Variants in TLR6 observed in about 807,000 individuals in gnomAD.
TLR6 encodes toll-like receptor 6.
In TLR6, 9 loss-of-function variants were observed where a neutral mutation model predicts 16.1. The ratio of observed to expected loss-of-function variants is 0.56; its 90% CI spans 0.34 to 0.98. The LOEUF is 0.98. TLR6 is among the 50% of genes least tolerant of loss of function. The pLI, the probability that TLR6 is intolerant of heterozygous loss-of-function variation, is 0.02. For missense variants in TLR6, 786 were observed against 921.0 expected (o/e 0.85, Z 1.90); for synonymous variants, 340 against 338.6 (o/e 1.00, Z -0.04).
chr4:38,838,633 A>G (rs979888634), intron 1 of TLR6, among the ~76,000 whole-genome samples: 1 of 152,168 alleles, frequency 6.6e-6, no homozygotes, highest in Non-Finnish European at 1.5e-5. Flanking sequence ...GGATAAAAAC[A>G]TACAGTTAGA....
At chr4:38,842,550 C>T (rs918470240) in intron 1 of TLR6, among the ~76,000 whole-genome samples, 3 of 152,218 alleles carry the variant, frequency 2.0e-5, no homozygotes, top group Admixed American at 2.0e-4. Flanking sequence ...AGGAGCCAGT[C>T]TCAGAAACTC....
At chr4:38,858,739 G>GC (rs1713088223), upstream of TLR6, among the ~76,000 whole-genome samples, 1 of 124,926 alleles carries the variant, frequency 8.0e-6, no homozygotes, top group African/African-American at 3.1e-5. Flanking sequence ...AAGAAAGAAA[G>GC]AAAGAGAGAG....
the TLR6 span, among the ~76,000 whole-genome samples, chr4:38,863,131 C>T: frequency 1.3e-5 from 2 of 152,028 alleles, no homozygotes. Flanking sequence ...CCAATGATCA[C>T]CACATTGCCA....
At chr4:38,856,053 T>C (rs17616475) in intron 1 of TLR6, among the ~76,000 whole-genome samples, 4,906 of 152,232 alleles carry the variant, frequency 0.032, 225 homozygotes, top group African/African-American at 0.089. Flanking sequence ...ATAATCAAGT[T>C]AACAAATAGG....
At chr4:38,864,831 G>A in the TLR6 span, among the ~76,000 whole-genome samples, 1 of 152,084 alleles carries the variant, frequency 6.6e-6, no homozygotes, top group Non-Finnish European at 1.5e-5. Context: ...GGGCAACACA[G>A]CAAGACCACG....
At chr4:38,856,074 A>T (rs1006493958) in intron 1 of TLR6, among the ~76,000 whole-genome samples, 5 of 152,232 alleles carry the variant, frequency 3.3e-5, no homozygotes, top group African/African-American at 4.8e-5. Context: ...CAAGAAAAAC[A>T]TTGTTTCATT....
At chr4:38,853,819 G>A (rs1315041677) in intron 1 of TLR6, among the ~76,000 whole-genome samples, 1 of 151,994 alleles carries the variant, frequency 6.6e-6, no homozygotes, top group Non-Finnish European at 1.5e-5. Context: ...AAAAATAGCA[G>A]GTTATCAAAT....
chr4:38,866,217 C>T, the TLR6 span, among the ~76,000 whole-genome samples: 4 of 148,628 alleles, frequency 2.7e-5, no homozygotes, highest in Non-Finnish European at 6.0e-5. Context: ...TATAGCCAGG[C>T]ACGGTGGCTC....
chr4:38,846,855 G>T (rs1359333718), intron 1 of TLR6, among the ~76,000 whole-genome samples: 1 of 151,980 alleles, frequency 6.6e-6, no homozygotes, highest in Non-Finnish European at 1.5e-5. Context: ...TCCTGATGTT[G>T]TTAGAAAAAT....
exon 2 of TLR6, chr4:38,828,218 C>G (rs752207734): frequency 1.2e-6 from 2 of 1,613,528 alleles, no homozygotes; most frequent in Admixed American, 1.7e-5. Flanking sequence ...TTCTTTATGT[C>G]TACCAGATTC....
At chr4:38,836,663 G>T (rs1711934806) in intron 1 of TLR6, among the ~76,000 whole-genome samples, 1 of 152,174 alleles carries the variant, frequency 6.6e-6, no homozygotes, top group African/African-American at 2.4e-5. Context: ...CAAGGACTGG[G>T]TGTGGTGACT....
At chr4:38,858,873 AAGAAAGAAAGAAAG>A (rs1213106980), upstream of TLR6, among the ~76,000 whole-genome samples, 15 of 135,016 alleles carry the variant, frequency 1.1e-4, no homozygotes, top group Non-Finnish European at 2.1e-4. Context: ...GAAAGAAAGA[AAGAAAGAAAGAAAG>A]AGAGAAAGAA....
At chr4:38,864,939 G>A in the TLR6 span, among the ~76,000 whole-genome samples, 1 of 152,178 alleles carries the variant, frequency 6.6e-6, no homozygotes, top group South Asian at 2.1e-4. Context: ...GAGCCCAGGA[G>A]TCTGAGGCCG....
chr4:38,845,390 T>C (rs6531672), intron 1 of TLR6, among the ~76,000 whole-genome samples: 94,339 of 152,156 alleles, frequency 0.62, 30,507 homozygotes, highest in African/African-American at 0.81. Flanking sequence ...ATTAATGTTG[T>C]GGATGAAATT....
intron 1 of TLR6, among the ~76,000 whole-genome samples, chr4:38,830,061 G>A (rs1268765584): frequency 6.6e-6 from 1 of 152,184 alleles, no homozygotes; most frequent in Non-Finnish European, 1.5e-5. Context: ...AAGGCTGGAC[G>A]CATGTTCAGA....
At chr4:38,857,767 T>C (rs1254753670), upstream of TLR6, among the ~76,000 whole-genome samples, 1 of 152,206 alleles carries the variant, frequency 6.6e-6, no homozygotes, top group Non-Finnish European at 1.5e-5. Flanking sequence ...TGGCTTCTTG[T>C]GATTCATCCT....
At chr4:38,858,835 G>GA (rs1216388688), upstream of TLR6, among the ~76,000 whole-genome samples, 2 of 30,476 alleles carry the variant, frequency 6.6e-5, no homozygotes, top group Admixed American at 5.4e-4. Context: ...GAGAGAGGAA[G>GA]AAAGAAAGAA....
At chr4:38,858,045 T>A (rs1219363234), upstream of TLR6, among the ~76,000 whole-genome samples, 1 of 152,222 alleles carries the variant, frequency 6.6e-6, no homozygotes, top group Non-Finnish European at 1.5e-5. Context: ...GGAGATTGCA[T>A]CACAACACCA....
At chr4:38,838,062 T>G (rs572546482) in intron 1 of TLR6, among the ~76,000 whole-genome samples, 11 of 152,302 alleles carry the variant, frequency 7.2e-5, no homozygotes, top group African/African-American at 2.6e-4. Context: ...TCATTCTAGT[T>G]TAAATGGCTG....
Sources: allele counts gnomAD v4.1 joint callset (sites outside exome capture counted in the v4.1 genomes callset), GRCh38; gene constraint gnomAD v4.1.1; transcripts MANE v1.5; gene names NCBI Gene and HGNC (gene_info 2026-07-23, HGNC 2026-07-21).